Variants in LINGO2 observed in about 807,000 individuals in gnomAD.
LINGO2 encodes leucine-rich repeat and immunoglobulin-like domain-containing nogo receptor-interacting protein 2.
Under a neutral mutation model 30.6 loss-of-function variants are expected in LINGO2, and 14 were observed. That is an observed-to-expected ratio of 0.46 (90% CI 0.30 to 0.72). LINGO2 has a LOEUF of 0.72. Among genes scored for constraint, LINGO2 ranks in the 30% least tolerant of loss-of-function variants. LINGO2 has a pLI of 0.07. For synonymous variants in LINGO2, 317 were observed against 288.5 expected (o/e 1.10, Z -1.00); for missense variants, 729 against 751.7 (o/e 0.97, Z 0.35).
intron 4 of LINGO2, among the ~76,000 whole-genome samples, chr9:28,102,310 G>A (rs1231441685): frequency 6.6e-6 from 1 of 151,878 alleles, no homozygotes; most frequent in Admixed American, 6.6e-5. Flanking sequence ...AGGCTGAGGT[G>A]GAAATAACAA....
At chr9:28,967,435 GA>G in the LINGO2 span, among the ~76,000 whole-genome samples, 1 of 152,096 alleles carries the variant, frequency 6.6e-6, no homozygotes, top group African/African-American at 2.4e-5. Context: ...GAAGCAGAAG[GA>G]AATAAACCTT....
chr9:28,834,916 C>T, the LINGO2 span, among the ~76,000 whole-genome samples: 4 of 152,164 alleles, frequency 2.6e-5, no homozygotes, highest in Non-Finnish European at 5.9e-5. Flanking sequence ...GCCTTGTTTA[C>T]TATTTTATAT....
intron 2 of LINGO2, among the ~76,000 whole-genome samples, chr9:28,455,956 T>C (rs1312613569): frequency 6.6e-6 from 1 of 152,158 alleles, no homozygotes. Context: ...GGTGGACACA[T>C]ACTTTTTTAA....
the LINGO2 span, among the ~76,000 whole-genome samples, chr9:28,835,017 CA>C: frequency 6.6e-6 from 1 of 152,068 alleles, no homozygotes; most frequent in Non-Finnish European, 1.5e-5. Flanking sequence ...CATAGCCAAA[CA>C]GGTAGAATTT....
At chr9:28,300,745 T>C (rs1265137652) in intron 3 of LINGO2, among the ~76,000 whole-genome samples, 1 of 152,058 alleles carries the variant, frequency 6.6e-6, no homozygotes, top group Non-Finnish European at 1.5e-5. Flanking sequence ...TTAAGTTCTA[T>C]GCAATATGCT....
intron 4 of LINGO2, among the ~76,000 whole-genome samples, chr9:28,132,383 C>A (rs1827402342): frequency 1.3e-5 from 2 of 152,064 alleles, no homozygotes; most frequent in African/African-American, 4.8e-5. Flanking sequence ...TTTTACGTAG[C>A]TTAATGTGGT....
chr9:29,202,823 T>C, the LINGO2 span, among the ~76,000 whole-genome samples: 9 of 152,150 alleles, frequency 5.9e-5, no homozygotes, highest in African/African-American at 1.9e-4. Context: ...AACTGATGAA[T>C]AGGACCAGAA....
chr9:28,716,711 G>A, the LINGO2 span, among the ~76,000 whole-genome samples: 1 of 152,028 alleles, frequency 6.6e-6, no homozygotes, highest in South Asian at 2.1e-4. Context: ...AAGATAGATA[G>A]GTAGCTAGAC....
the LINGO2 span, among the ~76,000 whole-genome samples, chr9:28,731,626 G>A: frequency 6.6e-6 from 1 of 152,214 alleles, no homozygotes; most frequent in East Asian, 1.9e-4. Context: ...GGGACATTAA[G>A]GAATACCTGG....
chr9:29,178,417 A>G, the LINGO2 span, among the ~76,000 whole-genome samples: 1 of 152,068 alleles, frequency 6.6e-6, no homozygotes, highest in Non-Finnish European at 1.5e-5. Flanking sequence ...ATATTTATCT[A>G]TCTATTTGCT....
At chr9:28,388,691 T>G (rs771181056) in intron 2 of LINGO2, among the ~76,000 whole-genome samples, 10 of 152,182 alleles carry the variant, frequency 6.6e-5, no homozygotes, top group Non-Finnish European at 1.2e-4. Context: ...GTATGCCTAT[T>G]TATGGTATTT....
At chr9:28,466,201 T>C (rs1314659739) in intron 2 of LINGO2, among the ~76,000 whole-genome samples, 1 of 152,128 alleles carries the variant, frequency 6.6e-6, no homozygotes, top group African/African-American at 2.4e-5. Context: ...TAGTCAAGAT[T>C]TGGAAACAAC....
intron 1 of LINGO2, among the ~76,000 whole-genome samples, chr9:28,490,500 G>C (rs903347045): frequency 2.6e-5 from 4 of 152,156 alleles, no homozygotes; most frequent in Admixed American, 2.0e-4. Context: ...TAAACAATTT[G>C]CACAGAGTCA....
chr9:28,037,014 C>T (rs566678631), intron 4 of LINGO2, among the ~76,000 whole-genome samples: 149 of 152,296 alleles, frequency 9.8e-4, no homozygotes, highest in African/African-American at 3.5e-3. Flanking sequence ...GGGCTCTGCA[C>T]ACATCTTGAT....
the LINGO2 span, among the ~76,000 whole-genome samples, chr9:29,019,234 A>G: frequency 0.7 from 106,234 of 152,038 alleles, 37,916 homozygotes; most frequent in Non-Finnish European, 0.76. Flanking sequence ...GAAATGACAC[A>G]TGGTGTATAC....
the LINGO2 span, chr9:28,889,034 G>A: frequency 3.9e-5 from 17 of 441,296 alleles, no homozygotes; most frequent in Admixed American, 1.2e-4. Flanking sequence ...ACAGTAATCT[G>A]TTCCCCTGGA....
Position 28,618,168 on chromosome 9 carries a change from C to G in LINGO2, c.-365+52032G>C, listed in dbSNP as rs566601156. 2.0e-5 allele frequency among the ~76,000 whole-genome samples: 3 copies of G among 152,224 alleles called. No homozygotes were observed. The South Asian group carries it at 6.2e-4, about 32-fold the overall frequency. On this transcript the variant is annotated intron_variant, in intron 1 of 5. Transcript: ENST00000379992. ...GTAATCTTGGGCAAATTAGTGATTT[C>G]CAAATTCACAAGGCTAAAACAGAAC...
intron 1 of LINGO2, among the ~76,000 whole-genome samples, chr9:28,653,982 TA>T (rs1563895353): frequency 6.6e-6 from 1 of 152,178 alleles, no homozygotes; most frequent in Non-Finnish European, 1.5e-5. Context: ...TTGCTAAGTA[TA>T]TTTTTTACGT....
rs1827350516 is a variant in LINGO2, at chr9:28,130,441, C to T, written c.-86-118036G>A. Reference sequence around the variant, plus strand: ...CTAAACTTTAAGTTCTTTTTCTTCCCAATTTAAATTTAAGTCAAATTTTTG... The same window carrying T: ...CTAAACTTTAAGTTCTTTTTCTTCCTAATTTAAATTTAAGTCAAATTTTTG... On this transcript the variant is annotated intron_variant, in intron 4 of 5. Transcript: ENST00000379992. The surrounding 1 kb of genome is among the most constrained non-coding windows in gnomAD (Gnocchi z 5.2). Among the ~76,000 whole-genome samples, 1 of 152,080 alleles carries T rather than the reference C, an allele frequency of 6.6e-6. No homozygotes were observed. Among genetic ancestry groups the T allele is most frequent in the South Asian group, 2.1e-4 (1 of 4,828 alleles).
Sources: gnomAD v4.1 joint callset for allele counts (sites outside exome capture counted in the v4.1 genomes callset) on GRCh38, gnomAD v4.1.1 for gene constraint, Gnocchi (gnomAD v3.1) non-coding constraint, MANE v1.5 for transcripts, NCBI Gene and HGNC (gene_info 2026-07-23, HGNC 2026-07-21) for gene names.